ST8SIA1: variants seen among roughly 807,000 people sequenced by gnomAD.
ST8SIA1 encodes ST8 alpha-N-acetyl-neuraminide alpha-2,8-sialyltransferase 1.
ST8SIA1 carries 16 observed loss-of-function variants against 35.9 expected under a neutral mutation model. The observed-to-expected ratio is 0.45, with a 90% CI of 0.30 to 0.68. The LOEUF (loss-of-function observed/expected upper bound fraction) is 0.68. ST8SIA1 is among the 30% of genes least tolerant of loss of function. The pLI, the probability that ST8SIA1 is intolerant of heterozygous loss-of-function variation, is 0.09. For synonymous variants in ST8SIA1, 170 were observed against 169.6 expected, an observed-to-expected ratio of 1.00 and a Z score of -0.02; for missense variants, 383 against 453.6, an observed-to-expected ratio of 0.84 and a Z score of 1.41.
intron 1 of ST8SIA1, among the ~76,000 whole-genome samples, chr12:22,318,784 C>T (rs890536490): frequency 5.3e-5 from 8 of 152,194 alleles, no homozygotes; most frequent in African/African-American, 1.7e-4. Context: ...CATTCCTTTG[C>T]AGTAAGACAC....
intron 1 of ST8SIA1, among the ~76,000 whole-genome samples, chr12:22,298,697 C>T (rs1866278494): frequency 6.6e-6 from 1 of 152,200 alleles, no homozygotes; most frequent in Admixed American, 6.6e-5. Flanking sequence ...AGTGGGTCAA[C>T]TCAGCTCCAC....
At chr12:22,287,106 A>T (rs748555119) in intron 2 of ST8SIA1, 43 bp downstream of exon 2, 1 of 1,557,626 alleles carries the variant, frequency 6.4e-7, no homozygotes, top group Non-Finnish European at 8.7e-7. Context: ...TGACAGCAAG[A>T]AATTTAAGAA....
At chr12:22,257,360 C>T (rs1271702994) in intron 2 of ST8SIA1, among the ~76,000 whole-genome samples, 2 of 149,556 alleles carry the variant, frequency 1.3e-5, no homozygotes, top group African/African-American at 4.9e-5. Flanking sequence ...TACAGGTACA[C>T]GTTACCATGC....
At chr12:22,230,028 A>T (rs1249988614) in intron 4 of ST8SIA1, among the ~76,000 whole-genome samples, 1 of 152,244 alleles carries the variant, frequency 6.6e-6, no homozygotes, top group Admixed American at 6.5e-5. Context: ...TAATGTAAGT[A>T]CCGGTAACCA....
chr12:22,204,739 GAC>G (rs947860950), intron 4 of ST8SIA1, among the ~76,000 whole-genome samples: 4 of 152,042 alleles, frequency 2.6e-5, no homozygotes, highest in African/African-American at 7.2e-5. Flanking sequence ...TAATTTTATT[GAC>G]AGTTATTATT....
chr12:22,294,037 A>AT lies in ST8SIA1; in HGVS notation c.237-6745dup, dbSNP rs940499351. On this transcript the variant is annotated intron_variant, in intron 1 of 4. Coordinates refer to ENST00000396037, the MANE Select transcript of ST8SIA1 (RefSeq NM_003034.4). ...TGAAATAATCAATTTTGAAGCAGGT[A>AT]TTTTTTTTTTTAAGGGTCACTGCTG... is the stretch of plus-strand genomic sequence containing the variant. Among the ~76,000 whole-genome samples, 60 of 148,234 alleles carry AT rather than the reference A, an allele frequency of 4.0e-4. 1 individual carries two copies. Among genetic ancestry groups the AT allele is most frequent in the East Asian group, 2.0e-3 (10 of 5,046 alleles).
Position 22,203,277 on chromosome 12 carries a change from C to A in ST8SIA1, c.585-1239G>T, listed in dbSNP as rs372349219. ...ATTAGGGCCTTGCAACTTTTAATTC[C>A]TTTCACCATGGGAGCTGCCCATCTT... is the stretch of plus-strand genomic sequence containing the variant. On this transcript the variant is annotated intron_variant, in intron 4 of 4. Transcript: ENST00000396037. Among the ~76,000 whole-genome samples the A allele has an allele frequency of 9.9e-5, 15 of 152,188 alleles. No homozygotes were observed. The East Asian group carries it at 2.5e-3, about 25-fold the overall frequency.
chr12:22,258,940 G>A (rs1865756190), intron 2 of ST8SIA1, among the ~76,000 whole-genome samples: 1 of 152,158 alleles, frequency 6.6e-6, no homozygotes, highest in Admixed American at 6.5e-5. Context: ...AAGGTAGGCT[G>A]TCAAACCCCT....
intron 4 of ST8SIA1, among the ~76,000 whole-genome samples, chr12:22,218,113 C>T (rs1472526988): frequency 6.6e-6 from 1 of 152,150 alleles, no homozygotes; most frequent in Non-Finnish European, 1.5e-5. Flanking sequence ...CACTTGAGGC[C>T]AGGAGTTCGA....
intron 1 of ST8SIA1, among the ~76,000 whole-genome samples, chr12:22,300,099 A>AT (rs1323535898): frequency 6.6e-6 from 1 of 152,138 alleles, no homozygotes; most frequent in African/African-American, 2.4e-5. Context: ...AATTAAGGTT[A>AT]TTACATCTGT....
intron 4 of ST8SIA1, among the ~76,000 whole-genome samples, chr12:22,244,684 T>G (rs1865579281): frequency 6.6e-6 from 1 of 152,080 alleles, no homozygotes; most frequent in Admixed American, 6.5e-5. Context: ...TCTCAACTCC[T>G]CAGCCAGTCC....
chr12:22,279,297 G>A (rs985557868), intron 2 of ST8SIA1, among the ~76,000 whole-genome samples: 3 of 152,134 alleles, frequency 2.0e-5, no homozygotes, highest in Non-Finnish European at 4.4e-5. Flanking sequence ...CTTGGTTTAT[G>A]ACTTAATTTC....
chr12:22,322,305 G>A (rs543236537), intron 1 of ST8SIA1, among the ~76,000 whole-genome samples: 1 of 152,300 alleles, frequency 6.6e-6, no homozygotes, highest in East Asian at 1.9e-4. Flanking sequence ...TTGCTGTATG[G>A]GGGAAGGCCT....
intron 4 of ST8SIA1, among the ~76,000 whole-genome samples, chr12:22,241,598 ATTTTTTT>A (rs71053392): frequency 9.6e-6 from 1 of 104,380 alleles, no homozygotes; most frequent in African/African-American, 3.6e-5. Flanking sequence ...AGACTCCGGT[ATTTTTTT>A]TTTTTTTTTT....
At chr12:22,261,211 C>T (rs534329896) in intron 2 of ST8SIA1, among the ~76,000 whole-genome samples, 5 of 152,190 alleles carry the variant, frequency 3.3e-5, no homozygotes, top group Non-Finnish European at 7.3e-5. Flanking sequence ...GTGCCGCAAT[C>T]TTGGCTCACT....
chr12:22,333,465 A>T (rs1866794941), intron 1 of ST8SIA1, among the ~76,000 whole-genome samples: 2 of 152,232 alleles, frequency 1.3e-5, no homozygotes, highest in African/African-American at 2.4e-5. Flanking sequence ...CTCTTAGTAG[A>T]CGTCAGTCAG....
In ST8SIA1 at chr12:22,200,057, T is replaced by A. The variant is rs1163230265; in HGVS notation, c.*1495A>T. 2 of 152,246 alleles carry A rather than the reference T, an allele frequency of 1.3e-5. No individual in the cohort carries two copies. Among genetic ancestry groups the A allele is most frequent in the Non-Finnish European group, 2.9e-5 (2 of 68,048 alleles). 9.4% of individuals were successfully genotyped at this position (152,246 alleles called of 1,614,324 possible). A position where few individuals can be genotyped will look rare whatever the true frequency, so the allele number is the denominator to read the frequency against. On this transcript the variant is annotated 3_prime_UTR_variant, in exon 5 of 5. Coordinates refer to ENST00000396037, the MANE Select transcript of ST8SIA1 (RefSeq NM_003034.4). The stretch of plus-strand genomic sequence containing the variant: ...TAACAAGCTAAGTAGTCCTACCTGC[T>A]ACTAAGGAAATAAATAGCTACTAAT...
chr12:22,220,332 T>C (rs1373920146), intron 4 of ST8SIA1, among the ~76,000 whole-genome samples: 2 of 152,108 alleles, frequency 1.3e-5, no homozygotes, highest in African/African-American at 4.8e-5. Context: ...AATTTAGAAA[T>C]AAAGATAAGC....
intron 4 of ST8SIA1, among the ~76,000 whole-genome samples, chr12:22,242,576 T>A (rs1379220518): frequency 6.6e-6 from 1 of 152,192 alleles, no homozygotes; most frequent in Non-Finnish European, 1.5e-5. Flanking sequence ...ATTTAAAAAA[T>A]CTTTTAAAGG....
Sources: allele counts gnomAD v4.1 joint callset (sites outside exome capture counted in the v4.1 genomes callset), GRCh38; gene constraint gnomAD v4.1.1; transcripts MANE v1.5; gene names NCBI Gene and HGNC (gene_info 2026-07-23, HGNC 2026-07-21).